The following UNKL variants were observed in gnomAD, a reference collection of about 807,000 sequenced individuals.
UNKL encodes putative E3 ubiquitin-protein ligase UNKL.
Under a neutral mutation model 78.0 loss-of-function variants are expected in UNKL, and 60 were observed. The observed-to-expected ratio is 0.77, with a 90% CI of 0.63 to 0.95. The LOEUF is 0.95. Among genes scored for constraint, UNKL ranks in the 40% least tolerant of loss-of-function variants. The pLI is 0.00. For missense variants in UNKL, 1,159 were observed against 1,045.7 expected, an observed-to-expected ratio of 1.11 and a Z score of -1.49; for synonymous variants, 608 against 474.8, an observed-to-expected ratio of 1.28 and a Z score of -3.65.
intron 12 of UNKL, 171 bp from the exon 13 acceptor site, chr16:1,368,029 C>G (rs935620627): frequency 1.6e-6 from 1 of 635,002 alleles, no homozygotes; most frequent in Non-Finnish European, 2.8e-6. Context: ...CTGGACCCCA[C>G]CAGGCTCAGG....
intron 2 of UNKL, among the ~76,000 whole-genome samples, chr16:1,411,508 G>A (rs2038036716): frequency 6.6e-6 from 1 of 152,112 alleles, no homozygotes; most frequent in Non-Finnish European, 1.5e-5. Flanking sequence ...CTCCAGCCCA[G>A]GGCACAGAGC....
At chr16:1,392,530 G>T (rs185887896) in intron 8 of UNKL, among the ~76,000 whole-genome samples, 2 of 152,208 alleles carry the variant, frequency 1.3e-5, no homozygotes, top group East Asian at 3.9e-4. Flanking sequence ...CGTCTCCTGG[G>T]TTCAAGTGAT....
chr16:1,379,833 G>A (rs1000753262), intron 10 of UNKL: 1 of 538,042 alleles, frequency 1.9e-6, no homozygotes, highest in Non-Finnish European at 2.4e-6. Flanking sequence ...TCCTGGCTAC[G>A]AGCTGGGCGG....
In UNKL at chr16:1,403,812, T is replaced by C. The variant is rs973987525; in HGVS notation, c.288-468A>G. Among the ~76,000 whole-genome samples, 27 of 149,948 alleles carry C rather than the reference T, an allele frequency of 1.8e-4. No individual in the cohort carries two copies. Among genetic ancestry groups the C allele is most frequent in the Middle Eastern group, 3.4e-3 (1 of 292 alleles). ...GCTTTCAGGGACCCCAGGAGGGAGG[T>C]AGGGGAGGGAACAAGCACAGGGCCC... On this transcript the variant is annotated intron_variant, in intron 2 of 14. Coordinates refer to ENST00000389221, the MANE Select transcript of UNKL (RefSeq NM_001372107.1). This position sits in a 1 kb window ranked among gnomAD's most constrained non-coding sequence, Gnocchi z 4.8.
intron 2 of UNKL, chr16:1,406,095 A>G (rs796233032): frequency 2.2e-5 from 10 of 456,322 alleles, no homozygotes; most frequent in South Asian, 1.5e-4. Flanking sequence ...GGAGACAGGC[A>G]GTGTACACGA....
At position 1,372,242 on chromosome 16, in the gene UNKL, C is replaced by T. The variant is rs142475069; in HGVS notation, c.1265-631G>A. 1.4e-3 allele frequency among the ~76,000 whole-genome samples: 210 copies of T among 151,940 alleles called. 1 individual carries two copies. Among genetic ancestry groups the T allele is most frequent in the African/African-American group, 4.8e-3 (199 of 41,420 alleles). On this transcript the variant is annotated intron_variant, in intron 10 of 14. Transcript: ENST00000389221. ...TCGTGCCACTGCCCTCCAGCCTGGACGACAGAGCAAGATTCCATCTCAAAA... is the reference window on the plus strand; with the variant it reads ...TCGTGCCACTGCCCTCCAGCCTGGATGACAGAGCAAGATTCCATCTCAAAA...
chr16:1,371,456 G>C (rs1052881302), intron 11 of UNKL, 63 bp downstream of exon 11: 28 of 1,493,722 alleles, frequency 1.9e-5, no homozygotes, highest in Non-Finnish European at 2.4e-5. Flanking sequence ...GCGATCCTCC[G>C]GCCACAGCAC....
intron 4 of UNKL, among the ~76,000 whole-genome samples, chr16:1,401,126 C>G (rs2037506257): frequency 6.6e-6 from 1 of 152,190 alleles, no homozygotes; most frequent in Non-Finnish European, 1.5e-5. Context: ...GATTTGAAAG[C>G]TGCTGTCTAG....
At chr16:1,381,880 G>A (rs2036619925) in intron 10 of UNKL, among the ~76,000 whole-genome samples, 1 of 152,198 alleles carries the variant, frequency 6.6e-6, no homozygotes, top group African/African-American at 2.4e-5. Flanking sequence ...AGGAGTTGGA[G>A]GCTGCAGCGA....
At position 1,370,036 on chromosome 16, in the gene UNKL, G is replaced by A. The variant is rs1485604893; in HGVS notation, c.1585+94C>T. 9.0e-6 allele frequency: 14 copies of A among 1,550,982 alleles called. No individual in the cohort carries two copies. The Admixed American group carries it at 2.6e-4, about 28-fold the overall frequency. On this transcript the variant is annotated intron_variant, in intron 12 of 14. Coordinates refer to ENST00000389221, the MANE Select transcript of UNKL (RefSeq NM_001372107.1). Reference sequence around the variant, plus strand: ...TTTGCCACCACAGATAGGGCACAAGGTTCCGTGTGAGGCCCCTCAGTCAGG... The same window carrying A: ...TTTGCCACCACAGATAGGGCACAAGATTCCGTGTGAGGCCCCTCAGTCAGG...
intron 2 of UNKL, among the ~76,000 whole-genome samples, chr16:1,404,019 G>A (rs2037642513): frequency 6.6e-6 from 1 of 152,180 alleles, no homozygotes; most frequent in Admixed American, 6.5e-5. Context: ...GGAAGCAGCT[G>A]CCAAGGCTCA....
chr16:1,413,701 C>A, intron 2 of UNKL, 145 bp downstream of exon 2: 2 of 918,936 alleles, frequency 2.2e-6, no homozygotes, highest in East Asian at 2.7e-5. Context: ...TCCCTGGTCA[C>A]TAGAAAATTT....
rs540477005 is a variant in UNKL, at chr16:1,394,386, C to T, written c.853-171G>A. 5.5e-4 allele frequency: 434 copies of T among 786,344 alleles called. 2 individuals are homozygous for T. Among genetic ancestry groups the T allele is most frequent in the African/African-American group, 5.4e-3 (318 of 58,694 alleles). The allele number at this position is 786,344 out of a possible 1,614,324, so 48.7% of individuals were successfully genotyped here. On this transcript the variant is annotated intron_variant, in intron 6 of 14. Transcript: ENST00000389221. ...CCACGTGTGCCCTTGGTCCCCACATCCCTCCTCTCTGCAGAGCCGACCCAC... is the reference window on the plus strand; with the variant it reads ...CCACGTGTGCCCTTGGTCCCCACATTCCTCCTCTCTGCAGAGCCGACCCAC...
chr16:1,409,285 T>C (rs2037926716), intron 2 of UNKL, among the ~76,000 whole-genome samples: 1 of 152,196 alleles, frequency 6.6e-6, no homozygotes, highest in Admixed American at 6.5e-5. Flanking sequence ...TTCCTTTATT[T>C]ACAAATTCCG....
intron 2 of UNKL, among the ~76,000 whole-genome samples, chr16:1,405,210 AAAAAAAAAAAAAAG>A (rs1567236676): frequency 3.3e-5 from 1 of 30,008 alleles, no homozygotes; most frequent in Non-Finnish European, 6.4e-5. Context: ...AAAAAAAAAA[AAAAAAAAAAAAAAG>A]GAGGCGAGGA....
At chr16:1,371,452 C>G in intron 11 of UNKL, 67 bp downstream of exon 11, 1 of 1,489,228 alleles carries the variant, frequency 6.7e-7, no homozygotes, top group South Asian at 1.2e-5. Context: ...TCAAGCGATC[C>G]TCCGGCCACA....
chr16:1,376,720 G>A (rs1480440633), intron 10 of UNKL, among the ~76,000 whole-genome samples: 2 of 151,730 alleles, frequency 1.3e-5, no homozygotes, highest in Non-Finnish European at 2.9e-5. Context: ...CCCCATGGAC[G>A]CCTGATGCTG....
Position 1,399,194 on chromosome 16 carries a change from C to T in UNKL, c.734+180G>A, listed in dbSNP as rs537918028. The T allele has an allele frequency of 2.7e-4, 316 of 1,182,056 alleles. No individual in the cohort carries two copies. The highest frequency in any genetic ancestry group is 3.0e-4 in the Non-Finnish European group (258 of 872,378). 73.2% of individuals were successfully genotyped at this position (1,182,056 alleles called of 1,614,324 possible). A position where few individuals can be genotyped will look rare whatever the true frequency, so the allele number is the denominator to read the frequency against. Reference sequence around the variant, plus strand: ...TGGGGAGGCCCATCCCCAGGACAGACGCGTGGGCCTCCATGGCACCTCCCA... The same window carrying T: ...TGGGGAGGCCCATCCCCAGGACAGATGCGTGGGCCTCCATGGCACCTCCCA... On this transcript the variant is annotated intron_variant, in intron 5 of 14. Transcript: ENST00000389221. This position sits in a 1 kb window ranked among gnomAD's most constrained non-coding sequence, Gnocchi z 5.8.
Position 1,363,343 on chromosome 16 carries a change from T to TA in UNKL, c.*2896dup. Reference sequence around the variant, plus strand: ...ACAGTTCGCTACAAGTAAATGATTATAAATACTACCTTCTGGGTTAAGAAA... The same window carrying TA: ...ACAGTTCGCTACAAGTAAATGATTATAAAATACTACCTTCTGGGTTAAGAAA... On this transcript the variant is annotated 3_prime_UTR_variant, in exon 15 of 15. Transcript: ENST00000389221. 1 of 497,912 alleles carries TA rather than the reference T, an allele frequency of 2.0e-6. No homozygotes were observed. Among genetic ancestry groups the TA allele is most frequent in the African/African-American group, 1.9e-5 (1 of 51,694 alleles). 30.8% of individuals were successfully genotyped at this position (497,912 alleles called of 1,614,324 possible). A position where few individuals can be genotyped will look rare whatever the true frequency, so the allele number is the denominator to read the frequency against.
Sources: allele counts gnomAD v4.1 joint callset (sites outside exome capture counted in the v4.1 genomes callset), GRCh38; gene constraint gnomAD v4.1.1; non-coding constraint Gnocchi (gnomAD v3.1); transcripts MANE v1.5; gene names NCBI Gene and HGNC (gene_info 2026-07-23, HGNC 2026-07-21).